Variants in THBS4 observed in about 807,000 individuals in gnomAD.
THBS4 encodes thrombospondin 4.
In THBS4, 90 loss-of-function variants were observed where a neutral mutation model predicts 115.7. The observed-to-expected ratio is 0.78, with a 90% confidence interval of 0.66 to 0.93. The LOEUF is 0.93. Ranked by LOEUF, THBS4 falls within the 40% of genes least tolerant of loss-of-function variation. THBS4 has a pLI of 0.00. For missense variants in THBS4, 1,087 were observed against 1,232.7 expected, an observed-to-expected ratio of 0.88 and a Z score of 1.77; for synonymous variants, 460 against 479.3, an observed-to-expected ratio of 0.96 and a Z score of 0.53.
intron 2 of THBS4, among the ~76,000 whole-genome samples, chr5:80,006,815 C>G (rs1435716176): frequency 3.9e-5 from 6 of 152,186 alleles, no homozygotes; most frequent in Non-Finnish European, 8.8e-5. Context: ...GATGGATACT[C>G]TAAAAGCCCT....
intron 1 of THBS4, among the ~76,000 whole-genome samples, chr5:80,037,140 T>A (rs1006473212): frequency 2.4e-4 from 36 of 152,218 alleles, no homozygotes; most frequent in Non-Finnish European, 3.4e-4. Flanking sequence ...ATAATTTTTT[T>A]GTGTTATATA....
chr5:80,020,751 G>A (rs748624818), intron 2 of THBS4, among the ~76,000 whole-genome samples: 21 of 152,098 alleles, frequency 1.4e-4, no homozygotes, highest in Non-Finnish European at 2.4e-4. Flanking sequence ...GCAATCTCGG[G>A]CACGTTGCCT....
chr5:80,053,457 T>C (rs1833317034), intron 2 of THBS4, among the ~76,000 whole-genome samples: 1 of 152,104 alleles, frequency 6.6e-6, no homozygotes, highest in Non-Finnish European at 1.5e-5. Flanking sequence ...CTTCTTTTCT[T>C]TAATTTCCTC....
intron 6 of THBS4, 104 bp downstream of exon 6, chr5:80,059,595 A>G (rs1580961348): frequency 1.6e-5 from 26 of 1,591,372 alleles, no homozygotes; most frequent in Non-Finnish European, 2.0e-5. Flanking sequence ...GGTCTACCAC[A>G]TAGTTGGAGG....
Position 79,999,765 on chromosome 5 carries a change from T to C in THBS4, n.177+1338T>C, listed in dbSNP as rs150895080. On this transcript the variant is annotated intron_variant and non_coding_transcript_variant, in intron 2 of 3. Transcript: ENST00000510218. ...TAAAAATTCTCTCAATCCACAATCA[T>C]GTCAGTTGTGTAAAATGAGATATAT... is the stretch of plus-strand genomic sequence containing the variant. 7.2e-5 allele frequency among the ~76,000 whole-genome samples: 11 copies of C among 152,318 alleles called. No individual in the cohort carries two copies. In the East Asian group the frequency reaches 1.7e-3, roughly 24 times the overall value.
chr5:80,070,217 T>C, intron 10 of THBS4, 89 bp from the exon 11 acceptor site: 4 of 1,121,074 alleles, frequency 3.6e-6, no homozygotes, highest in Non-Finnish European at 3.8e-6. Context: ...CCCCCTGGGA[T>C]TGAGCAAAGG....
chr5:80,069,925 G>C (rs879654321), intron 10 of THBS4, among the ~76,000 whole-genome samples: 3 of 152,142 alleles, frequency 2.0e-5, no homozygotes, highest in Admixed American at 6.5e-5. Context: ...GATTTCCCTT[G>C]GCCCAGACTC....
rs138755222 is a variant in THBS4, at chr5:80,059,771, C to G, written c.853C>G (p.Arg285Gly). 2.4e-5 allele frequency: 38 copies of G among 1,614,178 alleles called. 1 individual carries two copies. The highest frequency in any genetic ancestry group is 2.0e-4 in the African/African-American group (15 of 75,048). The change falls in exon 7 of 22, where the codon CGC becomes GGC. Residue 285 changes from arginine (R) to glycine (G), a missense_variant. Around this residue, in one of 3 missense-constraint regions of THBS4, gnomAD observed 979 missense variants for 1,103.7 expected, o/e 0.89. Coordinates refer to ENST00000350881, the MANE Select transcript of THBS4 (RefSeq NM_003248.6). ...VPPAPPAPPT[R>G]PPRRCDSNPC... ...CCCGGCTCCCCCTGCACCGCCAACA[C>G]GCCCACCTCGTCGGTGTGACTCCAA...
intron 2 of THBS4, among the ~76,000 whole-genome samples, chr5:80,023,760 C>G (rs1027244057): frequency 6.6e-6 from 1 of 152,038 alleles, no homozygotes; most frequent in Non-Finnish European, 1.5e-5. Flanking sequence ...CCTGAAGCTG[C>G]TTCAACTCTT....
chr5:80,004,063 C>T (rs952310380), intron 2 of THBS4, among the ~76,000 whole-genome samples: 1 of 152,170 alleles, frequency 6.6e-6, no homozygotes, highest in African/African-American at 2.4e-5. Context: ...CTAAGCGTTA[C>T]AGCCAAAAGG....
intron 2 of THBS4, among the ~76,000 whole-genome samples, chr5:80,028,439 C>T: frequency 6.6e-6 from 1 of 151,936 alleles, no homozygotes; most frequent in Admixed American, 6.6e-5. Flanking sequence ...ACTATACCTC[C>T]CCCGCACCAT....
chr5:80,011,186 T>C (rs1832118005), intron 2 of THBS4, among the ~76,000 whole-genome samples: 1 of 152,234 alleles, frequency 6.6e-6, no homozygotes, highest in African/African-American at 2.4e-5. Flanking sequence ...ATGTAAGACG[T>C]GACTTGCTTC....
chr5:80,071,655 TACACAC>T lies in THBS4; in HGVS notation c.1720+501_1720+506del, dbSNP rs58150348. The T allele has an allele frequency of 4.9e-3, 723 of 148,488 alleles. 6 individuals are homozygous for T. The highest frequency in any genetic ancestry group is 9.8e-3 in the African/African-American group (390 of 39,922). 9.2% of individuals were successfully genotyped at this position (148,488 alleles called of 1,614,324 possible). On this transcript the variant is annotated intron_variant, in intron 13 of 21. Transcript: ENST00000350881. ...AATACCACCTGCCCCAACACACACA[TACACAC>T]ACACACACACACACACACACACACA...
chr5:80,077,376 G>T (rs1028502566), intron 16 of THBS4, among the ~76,000 whole-genome samples: 2 of 152,340 alleles, frequency 1.3e-5, no homozygotes, highest in African/African-American at 2.4e-5. Context: ...CCTGTCACCT[G>T]CCACCTTCCA....
intron 3 of THBS4, among the ~76,000 whole-genome samples, chr5:80,056,456 C>A (rs1420491402): frequency 2.0e-5 from 3 of 152,110 alleles, no homozygotes; most frequent in Non-Finnish European, 2.9e-5. Flanking sequence ...TTAGAAACTG[C>A]CAAGCTTTCA....
intron 10 of THBS4, among the ~76,000 whole-genome samples, chr5:80,069,761 G>A (rs1048951640): frequency 2.0e-5 from 3 of 152,244 alleles, no homozygotes; most frequent in Admixed American, 6.5e-5. Flanking sequence ...CCAGGAGCCC[G>A]GGAGGGTCTC....
chr5:80,082,194 A>ACG lies in THBS4; in HGVS notation c.2685-211_2685-210dup, dbSNP rs2112180595. ...ACCCCCCACCCCCCTCCACACACAC[A>ACG]CGGACACACACGGTCCCTGCCCTCA... is the stretch of plus-strand genomic sequence containing the variant. On this transcript the variant is annotated intron_variant, in intron 20 of 21. Transcript: ENST00000350881. The ACG allele has an allele frequency of 4.3e-6, 2 of 469,470 alleles. 1 individual carries two copies. The highest frequency in any genetic ancestry group is 7.4e-5 in the South Asian group (2 of 27,142). 29.1% of individuals were successfully genotyped at this position (469,470 alleles called of 1,614,324 possible).
rs1483348372 is a variant in THBS4 at position 80,059,917 on chromosome 5, C to G, written c.987+12C>G. On this transcript the variant is annotated intron_variant, in intron 7 of 21. Coordinates refer to ENST00000350881, the MANE Select transcript of THBS4 (RefSeq NM_003248.6). ...TTGATGTTGATGAGGTAAAAGTTCA[C>G]TTAGACTGGGAGGGGATCCCTAAGT... is the stretch of plus-strand genomic sequence containing the variant. The G allele has an allele frequency of 6.2e-7, 1 of 1,611,732 alleles. No homozygotes were observed. The highest frequency in any genetic ancestry group is 1.3e-5 in the African/African-American group (1 of 74,870).
chr5:80,016,012 GT>G (rs1047640440), intron 2 of THBS4, among the ~76,000 whole-genome samples: 6 of 152,168 alleles, frequency 3.9e-5, no homozygotes, highest in Admixed American at 2.0e-4. Context: ...TCCACCATGT[GT>G]TTCTGTCTGC....
Sources: allele counts gnomAD v4.1 joint callset (sites outside exome capture counted in the v4.1 genomes callset), GRCh38; gene constraint gnomAD v4.1.1; regional missense constraint gnomAD v4.1.1; transcripts MANE v1.5; gene names NCBI Gene and HGNC (gene_info 2026-07-23, HGNC 2026-07-21).